Variants in SARS1 observed in about 807,000 individuals in gnomAD.
The protein encoded by SARS1 is seryl-tRNA synthetase 1, also known as serine--tRNA ligase, cytoplasmic.
In SARS1, 25 loss-of-function variants were observed where a neutral mutation model predicts 63.7. The ratio of observed to expected loss-of-function variants is 0.39; its 90% CI spans 0.29 to 0.55. The LOEUF (loss-of-function observed/expected upper bound fraction) is 0.55, where lower values mean the gene tolerates loss of function less well. SARS1 is among the 20% of genes least tolerant of loss of function. SARS1 has a pLI of 0.62. For synonymous variants in SARS1, 231 were observed against 243.5 expected (o/e 0.95, Z 0.48); for missense variants, 417 against 649.7 (o/e 0.64, Z 3.89).
intron 1 of SARS1, among the ~76,000 whole-genome samples, chr1:109,219,574 G>A (rs374211194): frequency 9.3e-5 from 14 of 150,432 alleles, no homozygotes; most frequent in South Asian, 2.1e-4. Context: ...GTGCAGTGGC[G>A]TGATCTCAGC....
At chr1:109,215,576 G>A (rs1286004639) in intron 1 of SARS1, 67 of 985,074 alleles carry the variant, frequency 6.8e-5, no homozygotes, top group Non-Finnish European at 7.5e-5. Context: ...CTTGATAAAG[G>A]TTTGTTAGAG....
At position 109,213,950 on chromosome 1, in the gene SARS1, C is replaced by A. The variant is rs770513123; in HGVS notation, c.-43C>A. ...GGCGGTCACAGGCTGAGTGCTGCGG[C>A]GCGATCCTTGCTTCCCTGAGCGTTG... On this transcript the variant is annotated 5_prime_UTR_variant, in exon 1 of 11. Transcript: ENST00000234677. 2.5e-6 allele frequency: 4 copies of A among 1,571,644 alleles called. No individual in the cohort carries two copies. The African/African-American group carries it at 4.1e-5, about 16-fold the overall frequency.
Position 109,229,444 on chromosome 1 carries a change from C to G in SARS1, c.319C>G (p.Arg107Gly), listed in dbSNP as rs375548086. The G allele has an allele frequency of 6.2e-7, 1 of 1,614,104 alleles. No individual in the cohort carries two copies. Among genetic ancestry groups the G allele is most frequent in the East Asian group, 2.2e-5 (1 of 44,884 alleles). ...GAAAGTCTCACAAATCAAAAAAGTCCGACTCCTCATTGATGAAGCCATCCT... is the reference window on the plus strand; with the variant it reads ...GAAAGTCTCACAAATCAAAAAAGTCGGACTCCTCATTGATGAAGCCATCCT... ...NLKVSQIKKVRLLIDEAILKC... is the reference protein window; with the variant it reads ...NLKVSQIKKVGLLIDEAILKC... Residue 107 changes from arginine (R) to glycine (G), a missense_variant, in exon 4 of 11, where the codon CGA becomes GGA. Physicochemically the swap from Arg to Gly is moderately radical, Grantham distance 125. Coordinates refer to ENST00000234677, the MANE Select transcript of SARS1 (RefSeq NM_006513.4).
intron 2 of SARS1, among the ~76,000 whole-genome samples, chr1:109,226,691 TATATATACAC>T (rs1340020795): frequency 2.1e-5 from 1 of 48,714 alleles, no homozygotes; most frequent in Non-Finnish European, 4.6e-5. Context: ...TATATATATA[TATATATACAC>T]ACACACACAC....
chr1:109,236,956 A>G, intron 9 of SARS1: 7 of 1,504,546 alleles, frequency 4.7e-6, no homozygotes, highest in Non-Finnish European at 6.2e-6. Flanking sequence ...GTGAAAAGGA[A>G]AGGCCACAAT....
At chr1:109,219,465 G>A (rs1654875763) in intron 1 of SARS1, among the ~76,000 whole-genome samples, 1 of 150,090 alleles carries the variant, frequency 6.7e-6, no homozygotes, top group African/African-American at 2.4e-5. Flanking sequence ...GCCTGATTTT[G>A]AACTACATAT....
Position 109,235,439 on chromosome 1 carries a change from G to A in SARS1, c.969+8G>A. Reference sequence around the variant, plus strand: ...GTCCATCAGTTTGAGAAGGTGAGTAGATGGGTCAGGGTAAGGAGTGGAACT... The same window carrying A: ...GTCCATCAGTTTGAGAAGGTGAGTAAATGGGTCAGGGTAAGGAGTGGAACT... On this transcript the variant is annotated splice_region_variant and intron_variant, in intron 7 of 10. Transcript: ENST00000234677. This position sits in a 1 kb window ranked among gnomAD's most constrained non-coding sequence, Gnocchi z 4.7. 1 of 1,607,378 alleles carries A rather than the reference G, an allele frequency of 6.2e-7. No homozygotes were observed. Among genetic ancestry groups the A allele is most frequent in the East Asian group, 2.2e-5 (1 of 44,852 alleles).
In SARS1 at chr1:109,232,989, T is replaced by G. The variant is rs552120149; in HGVS notation, c.747+1203T>G. Among the ~76,000 whole-genome samples, 10 of 152,190 alleles carry G rather than the reference T, an allele frequency of 6.6e-5. No homozygotes were observed. In the South Asian group the frequency reaches 2.1e-3, roughly 32 times the overall value. On this transcript the variant is annotated intron_variant, in intron 6 of 10. Coordinates refer to ENST00000234677, the MANE Select transcript of SARS1 (RefSeq NM_006513.4). ...GAAGAATTTTGGCTGGCACTTCTTG[T>G]CTGATAAAAACCTCAGTTCTGTAAG...
chr1:109,236,012 C>G lies in SARS1; in HGVS notation c.1005C>G (p.Asn335Lys). ...EQFVYSSPHDNKSWEMFEEMI... is the reference protein window; with the variant it reads ...EQFVYSSPHDKKSWEMFEEMI... ...TTGTGTACTCATCACCCCATGACAA[C>G]AAGTCATGGGAGATGTTTGAAGAGA... Residue 335 changes from asparagine (N) to lysine (K), a missense_variant, in exon 8 of 11, where the codon AAC becomes AAG. Physicochemically the swap from Asn to Lys is moderately conservative, Grantham distance 94. This residue lies in a region of SARS1 where 359 missense variants were observed against 529.6 expected (regional missense o/e 0.68). Transcript: ENST00000234677. 6.2e-7 allele frequency: 1 copy of G among 1,612,666 alleles called. No individual in the cohort carries two copies. Among genetic ancestry groups the G allele is most frequent in the Non-Finnish European group, 8.5e-7 (1 of 1,178,918 alleles).
rs1258206316 is a variant in SARS1, at chr1:109,237,067, T to C, written c.1258-177T>C. 12 of 1,206,920 alleles carry C rather than the reference T, an allele frequency of 9.9e-6. No homozygotes were observed. Among genetic ancestry groups the C allele is most frequent in the Admixed American group, 3.0e-5 (1 of 33,744 alleles). 74.8% of individuals were successfully genotyped at this position (1,206,920 alleles called of 1,614,324 possible). ...GAGGGATCTTTCTGCAGTTATCTAA[T>C]AGGCAATAAATACCAAATAATTCAA... On this transcript the variant is annotated intron_variant, in intron 9 of 10. Coordinates refer to ENST00000234677, the MANE Select transcript of SARS1 (RefSeq NM_006513.4). The surrounding 1 kb of genome is among the most constrained non-coding windows in gnomAD (Gnocchi z 4.1).
Position 109,235,904 on chromosome 1 carries a change from A to G in SARS1, c.970-73A>G. 1.4e-6 allele frequency: 2 copies of G among 1,431,116 alleles called. No individual in the cohort carries two copies. Among genetic ancestry groups the G allele is most frequent in the Non-Finnish European group, 1.9e-6 (2 of 1,060,426 alleles). 88.7% of individuals were successfully genotyped at this position (1,431,116 alleles called of 1,614,324 possible). A position where few individuals can be genotyped will look rare whatever the true frequency, so the allele number is the denominator to read the frequency against. The stretch of plus-strand genomic sequence containing the variant: ...TGGTGTGGAAACAGGTCTTCATGGC[A>G]AGGATGTCTCCCACTTCAGTCCTTT... On this transcript the variant is annotated intron_variant, in intron 7 of 10. Transcript: ENST00000234677. The surrounding 1 kb of genome is among the most constrained non-coding windows in gnomAD (Gnocchi z 4.7).
Position 109,237,769 on chromosome 1 carries a change from A to T in SARS1, c.1426A>T (p.Ile476Phe), listed in dbSNP as rs762941918. 5 of 1,614,180 alleles carry T rather than the reference A, an allele frequency of 3.1e-6. No individual in the cohort carries two copies. Among genetic ancestry groups the T allele is most frequent in the Non-Finnish European group, 8.5e-7 (1 of 1,180,036 alleles). ...GATCCCCTTTGTGAAGCCTGCGCCC[A>T]TTGAGCAGGAGCCATCAAAGAAGCA... ...ELIPFVKPAP[I>F]EQEPSKKQKK... The change falls in exon 11 of 11, where the codon ATT becomes TTT. Residue 476 changes from isoleucine to phenylalanine, a missense_variant. Transcript: ENST00000234677. The surrounding 1 kb of genome is among the most constrained non-coding windows in gnomAD (Gnocchi z 4.1).
chr1:109,216,723 A>G, intron 1 of SARS1: 1 of 543,590 alleles, frequency 1.8e-6, no homozygotes, highest in Non-Finnish European at 2.3e-6. Context: ...CCAGGCTCAG[A>G]TGATCCTCCT....
At position 109,214,666 on chromosome 1, in the gene SARS1, C is replaced by G. The variant is rs747370312; in HGVS notation, c.136+538C>G. On this transcript the variant is annotated intron_variant, in intron 1 of 10. Coordinates refer to ENST00000234677, the MANE Select transcript of SARS1 (RefSeq NM_006513.4). The surrounding 1 kb of genome is among the most constrained non-coding windows in gnomAD (Gnocchi z 4.6). ...TTGGCCAAAATAAATGACCCTGAAG[C>G]TTTTCGGAAGGCCATCCCCCGACCT... 5 of 985,502 alleles carry G rather than the reference C, an allele frequency of 5.1e-6. No homozygotes were observed. The highest frequency in any genetic ancestry group is 1.7e-5 in the African/African-American group (1 of 57,224). The allele number at this position is 985,502 out of a possible 1,614,324, so 61.0% of individuals were successfully genotyped here. A position where few individuals can be genotyped will look rare whatever the true frequency, so the allele number is the denominator to read the frequency against.
intron 6 of SARS1, among the ~76,000 whole-genome samples, chr1:109,232,915 C>CCTG (rs1655236723): frequency 6.6e-6 from 1 of 152,148 alleles, no homozygotes; most frequent in Non-Finnish European, 1.5e-5. Context: ...CGTCTCTTAT[C>CCTG]CAGACGCTTC....
intron 8 of SARS1, 133 bp downstream of exon 8, chr1:109,236,239 T>A: frequency 7.6e-7 from 1 of 1,309,960 alleles, no homozygotes; most frequent in South Asian, 1.4e-5. Context: ...ATTACACTCT[T>A]CTCACTTGGG....
chr1:109,217,526 A>T (rs687074), intron 1 of SARS1, among the ~76,000 whole-genome samples: 1 of 149,280 alleles, frequency 6.7e-6, no homozygotes, highest in East Asian at 1.9e-4. Flanking sequence ...CTAGTCTTGT[A>T]TACCCAAAAG....
At chr1:109,219,094 A>G (rs1011185165) in intron 1 of SARS1, among the ~76,000 whole-genome samples, 2 of 150,868 alleles carry the variant, frequency 1.3e-5, no homozygotes, top group Non-Finnish European at 3.0e-5. Context: ...GTGAAACCCC[A>G]TCTCCACTAA....
chr1:109,232,216 A>G (rs1405819362), intron 6 of SARS1, among the ~76,000 whole-genome samples: 3 of 152,174 alleles, frequency 2.0e-5, no homozygotes, highest in African/African-American at 7.2e-5. Context: ...CCACAGGGTG[A>G]GACATACTTG....
Sources: allele counts gnomAD v4.1 joint callset (sites outside exome capture counted in the v4.1 genomes callset), GRCh38; gene constraint gnomAD v4.1.1; regional missense constraint gnomAD v4.1.1; non-coding constraint Gnocchi (gnomAD v3.1); transcripts MANE v1.5; gene names NCBI Gene and HGNC (gene_info 2026-07-23, HGNC 2026-07-21).